LRMDA: variants seen among roughly 807,000 people sequenced by gnomAD.
LRMDA encodes the protein leucine-rich melanocyte differentiation-associated protein.
LRMDA carries 18 observed loss-of-function variants against 29.8 expected under a neutral mutation model. The observed-to-expected ratio is 0.60, with a 90% CI of 0.42 to 0.90. LRMDA has a LOEUF of 0.90. Ranked by LOEUF, LRMDA falls within the 40% of genes least tolerant of loss-of-function variation. The probability of loss-of-function intolerance (pLI) is 0.00; values close to 1 mark genes in which losing one functional copy is unlikely to be tolerated. For missense variants in LRMDA, 273 were observed against 273.9 expected (o/e 1.00, Z 0.02); for synonymous variants, 125 against 109.4 (o/e 1.14, Z -0.89).
chr10:75,839,405 C>T (rs1028563619), intron 2 of LRMDA, among the ~76,000 whole-genome samples: 2 of 152,178 alleles, frequency 1.3e-5, no homozygotes, highest in African/African-American at 2.4e-5. Context: ...TGTGATTCTG[C>T]TGAATGCACT....
chr10:75,699,060 G>T (rs1842273830), intron 2 of LRMDA, among the ~76,000 whole-genome samples: 1 of 152,098 alleles, frequency 6.6e-6, no homozygotes, highest in African/African-American at 2.4e-5. Flanking sequence ...AAATAGTCAG[G>T]TGTGGTGGTG....
intron 5 of LRMDA, among the ~76,000 whole-genome samples, chr10:76,299,394 C>A (rs374238077): frequency 6.6e-6 from 1 of 152,110 alleles, no homozygotes; most frequent in Non-Finnish European, 1.5e-5. Context: ...TATCTAGATA[C>A]ACCACTGTCT....
chr10:76,087,398 AT>A (rs1849155009), intron 5 of LRMDA, among the ~76,000 whole-genome samples: 1 of 152,170 alleles, frequency 6.6e-6, no homozygotes. Context: ...CCTGACATTA[AT>A]TTTATGCCTT....
intron 5 of LRMDA, among the ~76,000 whole-genome samples, chr10:76,062,054 A>G (rs961705542): frequency 6.6e-6 from 1 of 152,152 alleles, no homozygotes; most frequent in African/African-American, 2.4e-5. Flanking sequence ...ATACATATGC[A>G]TGTTCTGGGA....
At chr10:76,114,420 A>T (rs957155874) in intron 5 of LRMDA, among the ~76,000 whole-genome samples, 5 of 151,978 alleles carry the variant, frequency 3.3e-5, no homozygotes, top group African/African-American at 4.8e-5. Context: ...CCATAGAACT[A>T]CCCCACCTTC....
intron 2 of LRMDA, among the ~76,000 whole-genome samples, chr10:76,035,567 A>G (rs1023112814): frequency 2.6e-5 from 4 of 152,230 alleles, no homozygotes; most frequent in Non-Finnish European, 5.9e-5. Context: ...GTAAGAGGGT[A>G]TGATATTTCT....
At chr10:75,431,927 T>C (rs1489950199) in intron 1 of LRMDA, among the ~76,000 whole-genome samples, 173 bp downstream of exon 1, 1 of 152,062 alleles carries the variant, frequency 6.6e-6, no homozygotes, top group Non-Finnish European at 1.5e-5. Context: ...AGGACAGACC[T>C]CGTTTCGGGC....
chr10:75,842,620 G>T (rs1183049594), intron 2 of LRMDA, among the ~76,000 whole-genome samples: 1 of 152,208 alleles, frequency 6.6e-6, no homozygotes, highest in Non-Finnish European at 1.5e-5. Context: ...AAAGTGCATT[G>T]CATGTGGTAT....
intron 5 of LRMDA, chr10:76,242,420 G>C (rs1852294094): frequency 6.6e-6 from 1 of 152,242 alleles, no homozygotes; most frequent in African/African-American, 2.4e-5. Flanking sequence ...AAAGGTGCCA[G>C]TGGGCCCAGG....
chr10:76,062,859 G>T (rs1848725375), intron 5 of LRMDA, among the ~76,000 whole-genome samples: 1 of 152,114 alleles, frequency 6.6e-6, no homozygotes, highest in Non-Finnish European at 1.5e-5. Context: ...CAAAGAAAGA[G>T]CCCGCTAGTA....
Position 75,807,947 on chromosome 10 carries a change from A to G in LRMDA, c.132-228061A>G, listed in dbSNP as rs192340059. Among the ~76,000 whole-genome samples, 11 of 152,308 alleles carry G rather than the reference A, an allele frequency of 7.2e-5. No homozygotes were observed. In the East Asian group the frequency reaches 2.1e-3, roughly 29 times the overall value. On this transcript the variant is annotated intron_variant, in intron 2 of 6. Coordinates refer to ENST00000611255, the MANE Select transcript of LRMDA (RefSeq NM_001305581.2). The stretch of plus-strand genomic sequence containing the variant: ...TATTTGGATCTTATTGTACATCACA[A>G]TAAGAGCATTTTTGTTGCTCAATTG...
intron 2 of LRMDA, among the ~76,000 whole-genome samples, chr10:75,785,671 T>A (rs1434797467): frequency 1.3e-5 from 2 of 152,204 alleles, no homozygotes; most frequent in Non-Finnish European, 2.9e-5. Context: ...CTGCTCAAGA[T>A]TAATTTCGGG....
At chr10:76,083,200 T>C (rs1849075422) in intron 5 of LRMDA, among the ~76,000 whole-genome samples, 1 of 152,164 alleles carries the variant, frequency 6.6e-6, no homozygotes, top group Admixed American at 6.5e-5. Context: ...AAGGAACAAA[T>C]CCAGAGCCCC....
At chr10:76,095,623 A>C (rs1849300510) in intron 5 of LRMDA, among the ~76,000 whole-genome samples, 1 of 152,218 alleles carries the variant, frequency 6.6e-6, no homozygotes, top group African/African-American at 2.4e-5. Flanking sequence ...CAATGTATGA[A>C]TGTTCCAGTT....
intron 6 of LRMDA, among the ~76,000 whole-genome samples, chr10:76,477,891 A>G (rs1842693315): frequency 1.3e-5 from 2 of 152,204 alleles, no homozygotes; most frequent in Admixed American, 6.5e-5. Flanking sequence ...CACCTTATAG[A>G]AAAATTAAAT....
intron 2 of LRMDA, among the ~76,000 whole-genome samples, chr10:75,715,189 G>A (rs1263988522): frequency 6.6e-6 from 1 of 152,166 alleles, no homozygotes; most frequent in Non-Finnish European, 1.5e-5. Context: ...TTCTCTTACG[G>A]TCAATATGGA....
At chr10:75,913,902 G>A (rs1209128279) in intron 2 of LRMDA, among the ~76,000 whole-genome samples, 1 of 152,178 alleles carries the variant, frequency 6.6e-6, no homozygotes, top group Non-Finnish European at 1.5e-5. Flanking sequence ...AATCCCTTGT[G>A]AGCTTATCCT....
rs143968618 is a variant in LRMDA, at chr10:76,503,472, G to GTT, written c.602-53727_602-53726dup. On this transcript the variant is annotated intron_variant, in intron 6 of 6. Coordinates refer to ENST00000611255, the MANE Select transcript of LRMDA (RefSeq NM_001305581.2). Reference sequence around the variant, plus strand: ...GGTCTGGGGCTTTCTTTGATTGGTAGTTTTTTTTTTTCAATTGTTGATTCA... The same window carrying GTT: ...GGTCTGGGGCTTTCTTTGATTGGTAGTTTTTTTTTTTTTCAATTGTTGATTCA... Among the ~76,000 whole-genome samples, 1,382 of 147,484 alleles carry GTT rather than the reference G, an allele frequency of 9.4e-3. 28 individuals are homozygous for GTT. Among genetic ancestry groups the GTT allele is most frequent in the East Asian group, 0.07 (352 of 5,006 alleles).
intron 6 of LRMDA, among the ~76,000 whole-genome samples, chr10:76,358,502 T>A (rs73290733): frequency 6.6e-6 from 1 of 152,194 alleles, no homozygotes; most frequent in East Asian, 1.9e-4. Context: ...TTTTCTCACC[T>A]GAATATCTCC....
Sources: allele counts gnomAD v4.1 joint callset (sites outside exome capture counted in the v4.1 genomes callset), GRCh38; gene constraint gnomAD v4.1.1; transcripts MANE v1.5; gene names NCBI Gene and HGNC (gene_info 2026-07-23, HGNC 2026-07-21).